The following IL1RAPL2 variants were observed in gnomAD, a reference collection of about 807,000 sequenced individuals.
The protein encoded by IL1RAPL2 is interleukin 1 receptor accessory protein like 2, also known as X-linked interleukin-1 receptor accessory protein-like 2.
In IL1RAPL2, 3 loss-of-function variants were observed where a neutral mutation model predicts 44.1. The observed-to-expected ratio is 0.07, with a 90% CI of 0.03 to 0.18. The LOEUF (loss-of-function observed/expected upper bound fraction) is 0.18, where lower values mean the gene tolerates loss of function less well. Among genes scored for constraint, IL1RAPL2 ranks in the 10% least tolerant of loss-of-function variants. IL1RAPL2 has a pLI of 1.00. For synonymous variants in IL1RAPL2, 181 were observed against 178.8 expected, an observed-to-expected ratio of 1.01 and a Z score of -0.10; for missense variants, 391 against 496.4, an observed-to-expected ratio of 0.79 and a Z score of 2.02.
At position 104,993,166 on chromosome X, in the gene IL1RAPL2, A is replaced by G. The variant is rs182255250; in HGVS notation, c.83-202309A>G. ...TTTTATTGAAATTGATAAGTAAAAC[A>G]TATATAAATTAGTAATTACAAAACC... is the stretch of plus-strand genomic sequence containing the variant. On this transcript the variant is annotated intron_variant, in intron 2 of 10. Transcript: ENST00000372582. Among the ~76,000 whole-genome samples, 24 of 111,976 alleles carry G rather than the reference A, an allele frequency of 2.1e-4. No homozygotes were observed. In the Admixed American group the frequency reaches 2.2e-3, roughly 10 times the overall value.
chrX:105,392,002 G>T (rs2035528101), intron 5 of IL1RAPL2, among the ~76,000 whole-genome samples: 1 of 71,790 alleles, frequency 1.4e-5, no homozygotes, highest in Non-Finnish European at 2.6e-5. Flanking sequence ...TTGTGGGGTG[G>T]GGGGAGGGGG....
chrX:104,589,008 T>C (rs1928614316), intron 1 of IL1RAPL2, among the ~76,000 whole-genome samples: 3 of 112,175 alleles, frequency 2.7e-5, no homozygotes, highest in Admixed American at 9.5e-5. Flanking sequence ...TTGGAGGTTG[T>C]ATCAGTCAGG....
intron 2 of IL1RAPL2, among the ~76,000 whole-genome samples, chrX:104,752,280 AGT>A (rs754089849): frequency 7.4e-4 from 78 of 105,936 alleles, no homozygotes; most frequent in African/African-American, 2.4e-3. Context: ...TTGGCGTGAG[AGT>A]GTGTGTGTGT....
chrX:105,447,660 A>AAATAT (rs2035978431), intron 5 of IL1RAPL2, among the ~76,000 whole-genome samples: 1 of 80,007 alleles, frequency 1.2e-5, no homozygotes, highest in East Asian at 4.4e-4. Context: ...AATATAAATA[A>AAATAT]ATATAAATAT....
chrX:104,847,141 G>A (rs1211627572), intron 2 of IL1RAPL2, among the ~76,000 whole-genome samples: 2 of 111,742 alleles, frequency 1.8e-5, no homozygotes, highest in African/African-American at 6.5e-5. Context: ...CATTCTGTAG[G>A]TTGCCTGTTC....
intron 5 of IL1RAPL2, among the ~76,000 whole-genome samples, chrX:105,480,264 T>C (rs2147774308): frequency 8.9e-6 from 1 of 112,349 alleles, no homozygotes; most frequent in Admixed American, 9.5e-5. Flanking sequence ...AACCAGTTGA[T>C]CTGGTTGTAC....
intron 5 of IL1RAPL2, among the ~76,000 whole-genome samples, chrX:105,425,108 G>A (rs1157906138): frequency 1.2e-4 from 13 of 110,961 alleles, no homozygotes; most frequent in Non-Finnish European, 2.1e-4. Context: ...AGAGGAGAGA[G>A]ATTTAAATCT....
At chrX:105,140,591 A>G (rs1331120184) in intron 2 of IL1RAPL2, among the ~76,000 whole-genome samples, 2 of 112,128 alleles carry the variant, frequency 1.8e-5, no homozygotes, top group African/African-American at 3.2e-5. Flanking sequence ...CCAAATGCAA[A>G]CCAGTTGATA....
chrX:105,238,497 A>AT (rs372315608), intron 4 of IL1RAPL2, among the ~76,000 whole-genome samples: 126 of 103,396 alleles, frequency 1.2e-3, no homozygotes, highest in South Asian at 3.3e-3. Context: ...ACTTCAGGTC[A>AT]TTTTTTTTTT....
At chrX:105,031,576 G>T (rs1213958379) in intron 2 of IL1RAPL2, among the ~76,000 whole-genome samples, 1 of 111,860 alleles carries the variant, frequency 8.9e-6, no homozygotes, top group Non-Finnish European at 1.9e-5. Context: ...AACCAACCTT[G>T]CATCCCAGGG....
chrX:104,629,049 A>G (rs1381899600), intron 1 of IL1RAPL2, among the ~76,000 whole-genome samples: 1 of 112,196 alleles, frequency 8.9e-6, no homozygotes, highest in African/African-American at 3.2e-5. Context: ...ATGATTCCAC[A>G]TATAATGGAA....
At chrX:105,495,251 A>G (rs1372540412) in intron 6 of IL1RAPL2, among the ~76,000 whole-genome samples, 2 of 112,334 alleles carry the variant, frequency 1.8e-5, no homozygotes, top group African/African-American at 6.5e-5. Context: ...AATTAAGATC[A>G]GTTAAAGCAA....
At chrX:105,163,589 G>A (rs1302813338) in intron 2 of IL1RAPL2, among the ~76,000 whole-genome samples, 3 of 111,668 alleles carry the variant, frequency 2.7e-5, no homozygotes, top group Non-Finnish European at 3.8e-5. Flanking sequence ...CTAATATGTC[G>A]TGCATATTTT....
intron 2 of IL1RAPL2, among the ~76,000 whole-genome samples, chrX:104,890,895 T>A (rs185412891): frequency 0.026 from 2,944 of 111,790 alleles, 107 homozygotes; most frequent in African/African-American, 0.091. Flanking sequence ...CTGAATGGTA[T>A]TGCCTAAGTT....
chrX:104,910,884 C>T (rs1298610423), intron 2 of IL1RAPL2, among the ~76,000 whole-genome samples: 2 of 111,127 alleles, frequency 1.8e-5, no homozygotes, highest in African/African-American at 3.3e-5. Context: ...CTTCTAAGAC[C>T]GTATCATGAG....
intron 3 of IL1RAPL2, among the ~76,000 whole-genome samples, chrX:105,213,361 C>T (rs781829636): frequency 1.3e-4 from 14 of 107,623 alleles, no homozygotes; most frequent in Non-Finnish European, 1.7e-4. Context: ...ACTGATCAAG[C>T]AGAAGAAAGG....
intron 2 of IL1RAPL2, among the ~76,000 whole-genome samples, chrX:104,949,124 T>A (rs373570894): frequency 1.6e-4 from 18 of 110,755 alleles, no homozygotes; most frequent in East Asian, 5.7e-4. Flanking sequence ...CAGAGATTCA[T>A]CTTCTTCCTG....
chrX:105,305,173 A>G (rs1395538666), intron 5 of IL1RAPL2, among the ~76,000 whole-genome samples: 1 of 111,486 alleles, frequency 9.0e-6, no homozygotes, highest in Non-Finnish European at 1.9e-5. Flanking sequence ...TCTTAACATG[A>G]GATTTCAGTG....
chrX:105,683,562 C>G (rs763924579), intron 6 of IL1RAPL2, among the ~76,000 whole-genome samples: 1 of 110,214 alleles, frequency 9.1e-6, no homozygotes, highest in African/African-American at 3.3e-5. Flanking sequence ...AAAAAAAGCT[C>G]TATGTGGTCC....
Sources: gnomAD v4.1 joint callset for allele counts (sites outside exome capture counted in the v4.1 genomes callset) on GRCh38, gnomAD v4.1.1 for gene constraint, MANE v1.5 for transcripts, NCBI Gene and HGNC (gene_info 2026-07-23, HGNC 2026-07-21) for gene names.